Variants in SLC44A5 observed in about 807,000 individuals in gnomAD.
SLC44A5 encodes choline transporter-like protein 5.
A neutral mutation model predicts 101.8 loss-of-function variants in SLC44A5; 57 were observed. That is an observed-to-expected ratio of 0.56 (90% CI 0.45 to 0.70). SLC44A5 has a LOEUF of 0.70. SLC44A5 is among the 30% of genes least tolerant of loss of function. SLC44A5 has a pLI of 0.00. For missense variants in SLC44A5, 737 were observed against 853.1 expected (o/e 0.86, Z 1.70); for synonymous variants, 281 against 290.9 (o/e 0.97, Z 0.35).
intron 4 of SLC44A5, among the ~76,000 whole-genome samples, chr1:75,330,300 C>G (rs1286604576): frequency 6.6e-6 from 1 of 151,802 alleles, no homozygotes; most frequent in East Asian, 1.9e-4. Flanking sequence ...AACACTCCAG[C>G]CCTGGGCCTT....
chr1:75,603,067 G>T (rs2102154860), intron 1 of SLC44A5, among the ~76,000 whole-genome samples: 1 of 152,148 alleles, frequency 6.6e-6, no homozygotes, highest in Non-Finnish European at 1.5e-5. Flanking sequence ...TTGGAGTACA[G>T]TTGATCCTGT....
the SLC44A5 span, among the ~76,000 whole-genome samples, chr1:75,665,260 T>C: frequency 6.6e-6 from 1 of 152,108 alleles, no homozygotes; most frequent in African/African-American, 2.4e-5. Flanking sequence ...AACAGACACA[T>C]AGGCCAATTG....
chr1:75,219,862 G>A lies in SLC44A5; in HGVS notation c.1116C>T (p.Val372=), dbSNP rs201938050. Residue 372 remains valine, a synonymous_variant, in exon 15 of 24, where the codon GTC becomes GTT. Transcript: ENST00000370859. ...KAIGYVPSTL[V]YPALTFILLS... ...GCAAAATGAAAGTTAAAGCTGGATA[G>A]ACTAATGTACTAGGAACATATCCAA... 237 of 1,611,922 alleles carry A rather than the reference G, an allele frequency of 1.5e-4. 2 individuals carry two copies. In the South Asian group the frequency reaches 2.5e-3, roughly 17 times the overall value.
intron 2 of SLC44A5, among the ~76,000 whole-genome samples, chr1:75,401,361 A>T (rs1662465631): frequency 6.6e-6 from 1 of 151,994 alleles, no homozygotes; most frequent in Admixed American, 6.5e-5. Context: ...CATCAGGATG[A>T]TAGATCTTAA....
At chr1:75,609,249 G>C (rs1008661095) in intron 1 of SLC44A5, among the ~76,000 whole-genome samples, 1 of 151,868 alleles carries the variant, frequency 6.6e-6, no homozygotes, top group Non-Finnish European at 1.5e-5. Context: ...AGGAGGAATA[G>C]ATAAATACAG....
At chr1:75,417,930 A>G (rs1405455077) in intron 2 of SLC44A5, among the ~76,000 whole-genome samples, 1 of 152,218 alleles carries the variant, frequency 6.6e-6, no homozygotes, top group African/African-American at 2.4e-5. Context: ...CTAAAAAGCA[A>G]TAGGAAAATG....
intron 2 of SLC44A5, among the ~76,000 whole-genome samples, chr1:75,517,365 T>C (rs1176583859): frequency 6.7e-6 from 1 of 149,536 alleles, no homozygotes; most frequent in Non-Finnish European, 1.5e-5. Context: ...CACAATAGAT[T>C]GAAAAGGGGG....
At chr1:75,537,033 A>AAAAAAAGATATATAT (rs35829590) in intron 2 of SLC44A5, among the ~76,000 whole-genome samples, 1 of 43,026 alleles carries the variant, frequency 2.3e-5, no homozygotes, top group East Asian at 8.4e-4. Context: ...AAAAAAAAAA[A>AAAAAAAGATATATAT]ATATATATCT....
At chr1:75,608,055 T>C in intron 1 of SLC44A5, among the ~76,000 whole-genome samples, 1 of 151,952 alleles carries the variant, frequency 6.6e-6, no homozygotes, top group East Asian at 1.9e-4. Flanking sequence ...CTTCTATGAG[T>C]TCAATAATTT....
the SLC44A5 span, among the ~76,000 whole-genome samples, chr1:75,622,502 CA>C: frequency 4.6e-5 from 7 of 151,412 alleles, no homozygotes; most frequent in South Asian, 2.1e-4. Flanking sequence ...GAAACCCCCC[CA>C]AAAAAAATAA....
intron 2 of SLC44A5, among the ~76,000 whole-genome samples, chr1:75,410,776 G>A (rs1045327981): frequency 6.6e-6 from 1 of 152,032 alleles, no homozygotes; most frequent in South Asian, 2.1e-4. Flanking sequence ...TGTAGAAATC[G>A]TGCTTATTAC....
upstream of SLC44A5, chr1:75,615,789 G>A: frequency 1.1e-6 from 1 of 910,296 alleles, no homozygotes; most frequent in Non-Finnish European, 1.3e-6. Context: ...AAACAGGCCG[G>A]CCCGAGGGGC....
At chr1:75,295,739 A>T (rs1041836659) in intron 5 of SLC44A5, among the ~76,000 whole-genome samples, 2 of 152,198 alleles carry the variant, frequency 1.3e-5, no homozygotes, top group Non-Finnish European at 2.9e-5. Context: ...TGAGCAATGG[A>T]CTATGAAATG....
chr1:75,235,811 G>C lies in SLC44A5; in HGVS notation c.740+1176C>G, dbSNP rs369760394. On this transcript the variant is annotated intron_variant, in intron 11 of 23. Coordinates refer to ENST00000370859, the MANE Select transcript of SLC44A5 (RefSeq NM_001130058.2). ...GCTACATTCAAGGACCCATATAGAA[G>C]TTAGGAAAACAAAGATGAGTTAGAC... Among the ~76,000 whole-genome samples, 36 of 152,082 alleles carry C rather than the reference G, an allele frequency of 2.4e-4. No individual in the cohort carries two copies. In the East Asian group the frequency reaches 6.8e-3, roughly 29 times the overall value.
intron 2 of SLC44A5, among the ~76,000 whole-genome samples, chr1:75,458,068 G>A (rs58248429): frequency 0.093 from 14,205 of 152,150 alleles, 843 homozygotes; most frequent in Admixed American, 0.19. Context: ...TGTATGATAA[G>A]CTAAGTCATA....
intron 3 of SLC44A5, among the ~76,000 whole-genome samples, chr1:75,358,650 C>G (rs931599739): frequency 6.6e-6 from 1 of 152,010 alleles, no homozygotes; most frequent in Non-Finnish European, 1.5e-5. Flanking sequence ...CTGTAGTCAC[C>G]ATGCAGTACT....
At chr1:75,252,118 T>C (rs963598755) in intron 6 of SLC44A5, among the ~76,000 whole-genome samples, 3 of 152,170 alleles carry the variant, frequency 2.0e-5, no homozygotes, top group African/African-American at 7.2e-5. Flanking sequence ...TCCCAACCCT[T>C]GAGAGTCCAA....
Position 75,390,732 on chromosome 1 carries a change from C to T in SLC44A5, c.52+5851G>A, listed in dbSNP as rs1661728993. On this transcript the variant is annotated intron_variant, in intron 3 of 23. Transcript: ENST00000370859. ...CAATTTATGAAAAACCTGTAGCCAA[C>T]ATCATACTAAAAGAGCAAAAACTGG... Among the ~76,000 whole-genome samples the T allele has an allele frequency of 2.6e-5, 4 of 152,180 alleles. No homozygotes were observed. The South Asian group carries it at 6.2e-4, about 24-fold the overall frequency.
At chr1:75,230,908 A>G (rs1294146680) in intron 12 of SLC44A5, among the ~76,000 whole-genome samples, 1 of 152,162 alleles carries the variant, frequency 6.6e-6, no homozygotes, top group Non-Finnish European at 1.5e-5. Flanking sequence ...GAGCCACTGC[A>G]GCCAGCTACA....
Sources: allele counts gnomAD v4.1 joint callset (sites outside exome capture counted in the v4.1 genomes callset), GRCh38; gene constraint gnomAD v4.1.1; transcripts MANE v1.5; gene names NCBI Gene and HGNC (gene_info 2026-07-23, HGNC 2026-07-21).